SBF2: variants seen among roughly 807,000 people sequenced by gnomAD.
SBF2 encodes myotubularin-related protein 13.
Under a neutral mutation model 225.2 loss-of-function variants are expected in SBF2, and 112 were observed. That is an observed-to-expected ratio of 0.50 (90% CI 0.43 to 0.58). The LOEUF is 0.58. SBF2 is among the 20% of genes least tolerant of loss of function. SBF2 has a pLI of 0.00. For missense variants in SBF2, 1,996 were observed against 2,206.2 expected, an observed-to-expected ratio of 0.90 and a Z score of 1.91; for synonymous variants, 763 against 773.3, an observed-to-expected ratio of 0.99 and a Z score of 0.22.
At chr11:10,001,092 G>A (rs930754664) in intron 7 of SBF2, 70 bp from the exon 8 acceptor site, 6 of 828,128 alleles carry the variant, frequency 7.2e-6, no homozygotes, top group African/African-American at 5.1e-5. Flanking sequence ...TCATCTTTAT[G>A]CTGTGTTAAG....
At chr11:10,104,046 G>A (rs1258412531) in intron 2 of SBF2, among the ~76,000 whole-genome samples, 1 of 150,424 alleles carries the variant, frequency 6.6e-6, no homozygotes, top group Non-Finnish European at 1.5e-5. Flanking sequence ...CTGCACCACT[G>A]TACTCCATCC....
At chr11:10,227,883 T>A (rs540923353) in intron 1 of SBF2, among the ~76,000 whole-genome samples, 138 of 151,688 alleles carry the variant, frequency 9.1e-4, no homozygotes, top group African/African-American at 3.1e-3. Flanking sequence ...TTGATGGGGA[T>A]GGCATTGAAT....
In SBF2 at chr11:9,856,639, T is replaced by C. The variant is rs1857335421; in HGVS notation, c.2182A>G (p.Ser728Gly). ...AEQLRLWPTL[S>G]KSTQQELVQH... ...ACTAGCTCTTGCTGAGTTGACTTGCTCAGGGTAGGCCAAAGGCGTAGTTGC... is the reference window on the plus strand; with the variant it reads ...ACTAGCTCTTGCTGAGTTGACTTGCCCAGGGTAGGCCAAAGGCGTAGTTGC... The change falls in exon 19 of 40, where the codon AGC (serine) becomes GGC (glycine). Residue 728 changes from serine (S) to glycine (G), a missense_variant. Physicochemically the swap from Ser to Gly is moderately conservative, Grantham distance 56. Transcript: ENST00000256190. The C allele has an allele frequency of 6.2e-7, 1 of 1,614,092 alleles. No homozygotes were observed. The highest frequency in any genetic ancestry group is 1.3e-5 in the African/African-American group (1 of 74,932).
intron 27 of SBF2, chr11:9,829,800 G>C (rs976700089): frequency 6.2e-5 from 23 of 372,692 alleles, no homozygotes; most frequent in Non-Finnish European, 1.1e-4. Flanking sequence ...GGGCTTGAAA[G>C]CACAGGGCAT....
intron 1 of SBF2, among the ~76,000 whole-genome samples, chr11:10,304,441 C>A (rs904631528): frequency 1.3e-5 from 2 of 152,200 alleles, no homozygotes; most frequent in African/African-American, 2.4e-5. Context: ...CCTCCAAATC[C>A]CAATTCTCAA....
chr11:9,794,747 C>T (rs1853011138), intron 33 of SBF2, among the ~76,000 whole-genome samples: 1 of 137,210 alleles, frequency 7.3e-6, no homozygotes, highest in Admixed American at 7.7e-5. Flanking sequence ...ATACTTACTA[C>T]CTTCCCAATA....
In SBF2 at chr11:9,850,168, C is replaced by T. The variant is rs1247451463; in HGVS notation, c.2661G>A (p.Glu887=). 1 of 1,614,016 alleles carries T rather than the reference C, an allele frequency of 6.2e-7. No homozygotes were observed. Among genetic ancestry groups the T allele is most frequent in the East Asian group, 2.2e-5 (1 of 44,880 alleles). ...CAGGATCCAGCAAGACTCGAAGACC[C>T]TCACAGACAATTTCTTCTCCTGGCA... ...ALLPGEEIVC[E]GLRVLLDPDG... is the part of the protein sequence containing the mutation. Residue 887 remains glutamate (E), a synonymous_variant, in exon 22 of 40, where the codon GAG becomes GAA. Coordinates refer to ENST00000256190, the MANE Select transcript of SBF2 (RefSeq NM_030962.4).
chr11:10,002,833 T>A lies in SBF2; in HGVS notation c.620-144A>T, dbSNP rs1590728174. 6.5e-6 allele frequency: 5 copies of A among 764,030 alleles called. No individual in the cohort carries two copies. In the South Asian group the frequency reaches 8.1e-5, roughly 12 times the overall value. The allele number at this position is 764,030 out of a possible 1,614,324, so 47.3% of individuals were successfully genotyped here. On this transcript the variant is annotated intron_variant, in intron 6 of 39. Coordinates refer to ENST00000256190, the MANE Select transcript of SBF2 (RefSeq NM_030962.4). The stretch of plus-strand genomic sequence containing the variant: ...ACTTGGTTAAACTGTAAATTCCATA[T>A]AATCTATGAGTATTTGTTTTCCCAA...
chr11:10,249,703 A>AC (rs1960165236), intron 1 of SBF2, among the ~76,000 whole-genome samples: 1 of 149,410 alleles, frequency 6.7e-6, no homozygotes, highest in Non-Finnish European at 1.5e-5. Flanking sequence ...TTGGAATGCT[A>AC]TGGGGGAGTC....
At chr11:10,286,748 CA>C (rs1963821309) in intron 1 of SBF2, among the ~76,000 whole-genome samples, 1 of 151,970 alleles carries the variant, frequency 6.6e-6, no homozygotes, top group Non-Finnish European at 1.5e-5. Context: ...GCAGAGCAAC[CA>C]AAAATATTTT....
chr11:9,878,593 C>T (rs67701335), intron 17 of SBF2, among the ~76,000 whole-genome samples: 42,153 of 152,004 alleles, frequency 0.28, 7,119 homozygotes, highest in African/African-American at 0.47. Context: ...GGGCAGAGAC[C>T]ATGTCTTGCA....
intron 1 of SBF2, among the ~76,000 whole-genome samples, chr11:10,195,433 A>G (rs1957319689): frequency 6.6e-6 from 1 of 152,218 alleles, no homozygotes; most frequent in Non-Finnish European, 1.5e-5. Flanking sequence ...AATTCTTGCT[A>G]TAGTTTTTTA....
rs114913493 is a variant in SBF2 at position 9,929,416 on chromosome 11, C to G, written c.1860+32541G>C. 8.7e-3 allele frequency among the ~76,000 whole-genome samples: 1,320 copies of G among 152,206 alleles called. 14 individuals are homozygous for G. Among genetic ancestry groups the G allele is most frequent in the African/African-American group, 0.03 (1,244 of 41,518 alleles). ...GTGACAACCAGCTCAGGGGTAGGAC[C>G]AAGAAGCAGCTCCAAAGCGCTTCCC... On this transcript the variant is annotated intron_variant, in intron 16 of 39. Transcript: ENST00000256190.
chr11:10,278,282 T>C (rs1432899282), intron 1 of SBF2, among the ~76,000 whole-genome samples: 1 of 152,206 alleles, frequency 6.6e-6, no homozygotes, highest in African/African-American at 2.4e-5. Flanking sequence ...TTGATAAGTA[T>C]ATGGGAAAAT....
At chr11:10,161,596 T>C (rs972282544) in intron 2 of SBF2, among the ~76,000 whole-genome samples, 2 of 152,190 alleles carry the variant, frequency 1.3e-5, no homozygotes, top group Admixed American at 1.3e-4. Context: ...ACTAAATTTC[T>C]CTGCCTCCTT....
chr11:10,126,932 C>T (rs528871713), intron 2 of SBF2, among the ~76,000 whole-genome samples: 1 of 152,084 alleles, frequency 6.6e-6, no homozygotes, highest in African/African-American at 2.4e-5. Context: ...ATAAGTAAGA[C>T]ACAAGAGATC....
chr11:9,853,824 A>G, intron 19 of SBF2, 112 bp from the exon 20 acceptor site: 2 of 982,836 alleles, frequency 2.0e-6, no homozygotes, highest in Non-Finnish European at 3.3e-6. Context: ...ATGTCTACTC[A>G]AGTAGAAGGC....
At position 9,885,276 on chromosome 11, in the gene SBF2, AC is replaced by A. The variant is rs1860188531; in HGVS notation, c.1929+10666del. On this transcript the variant is annotated intron_variant, in intron 17 of 39. Coordinates refer to ENST00000256190, the MANE Select transcript of SBF2 (RefSeq NM_030962.4). ...CAAAAAAAAAAAAAAAAAAAAAAAA[AC>A]CCCACCCCCCCAAAAAAAACCCAGT... is the stretch of plus-strand genomic sequence containing the variant. 7.9e-4 allele frequency among the ~76,000 whole-genome samples: 103 copies of A among 130,970 alleles called. 1 individual carries two copies. In the East Asian group the frequency reaches 0.012, roughly 15 times the overall value. 85.9% of individuals were successfully genotyped at this position (130,970 alleles called of 152,430 possible). A position where few individuals can be genotyped will look rare whatever the true frequency, so the allele number is the denominator to read the frequency against.
chr11:10,286,413 G>A (rs112197864), intron 1 of SBF2, among the ~76,000 whole-genome samples: 5 of 39,554 alleles, frequency 1.3e-4, no homozygotes, highest in African/African-American at 2.8e-4. Flanking sequence ...GTGCGATCTC[G>A]GCTCACTGCG....
Sources: gnomAD v4.1 joint callset for allele counts (sites outside exome capture counted in the v4.1 genomes callset) on GRCh38, gnomAD v4.1.1 for gene constraint, MANE v1.5 for transcripts, NCBI Gene and HGNC (gene_info 2026-07-23, HGNC 2026-07-21) for gene names.